The following MAST3 variants were observed in gnomAD, a reference collection of about 807,000 sequenced individuals.
MAST3 encodes the protein microtubule associated serine/threonine kinase 3, also known as microtubule-associated serine/threonine-protein kinase 3.
Under a neutral mutation model 127.0 loss-of-function variants are expected in MAST3, and 43 were observed. The observed-to-expected ratio is 0.34, with a 90% confidence interval of 0.27 to 0.44. MAST3 has a LOEUF of 0.44. MAST3 is among the 20% of genes least tolerant of loss of function. The pLI, the probability that MAST3 is intolerant of heterozygous loss-of-function variation, is 1.00. For synonymous variants in MAST3, 785 were observed against 809.2 expected, an observed-to-expected ratio of 0.97 and a Z score of 0.51; for missense variants, 1,390 against 1,919.1, an observed-to-expected ratio of 0.72 and a Z score of 5.15.
rs2038433918 is a variant in MAST3 at position 18,110,268 on chromosome 19, C to T, written c.72-384C>T. 2 of 985,480 alleles carry T rather than the reference C, an allele frequency of 2.0e-6. No homozygotes were observed. Among genetic ancestry groups the T allele is most frequent in the Middle Eastern group, 5.2e-4 (1 of 1,936 alleles). The allele number at this position is 985,480 out of a possible 1,614,324, so 61.0% of individuals were successfully genotyped here. ...GCGCCACGATCAGGGCTTCCGGGGGCCAACAAGGGGGCGTCGGTACCCCGC... is the reference window on the plus strand; with the variant it reads ...GCGCCACGATCAGGGCTTCCGGGGGTCAACAAGGGGGCGTCGGTACCCCGC... On this transcript the variant is annotated intron_variant, in intron 2 of 27. Transcript: ENST00000687212. The surrounding 1 kb of genome is among the most constrained non-coding windows in gnomAD (Gnocchi z 4.3).
chr19:18,111,826 C>G (rs2038684763), intron 3 of MAST3, among the ~76,000 whole-genome samples: 1 of 152,084 alleles, frequency 6.6e-6, no homozygotes, highest in Non-Finnish European at 1.5e-5. Flanking sequence ...ATCCACAGAC[C>G]TTTAACGGGG....
At chr19:18,148,187 G>C (rs1393290054) in intron 27 of MAST3, among the ~76,000 whole-genome samples, 1 of 152,112 alleles carries the variant, frequency 6.6e-6, no homozygotes, top group African/African-American at 2.4e-5. Flanking sequence ...TGTAGTCCCA[G>C]CTACTAGGGA....
intron 5 of MAST3, among the ~76,000 whole-genome samples, 194 bp from the exon 6 acceptor site, chr19:18,122,479 G>GA (rs1016673663): frequency 1.1e-4 from 17 of 150,930 alleles, no homozygotes; most frequent in Non-Finnish European, 2.5e-4. Flanking sequence ...CTCACGGGGG[G>GA]GCTTCCTGGA....
At chr19:18,100,128 C>CTCGTTTTTTTTTTTTTTTTTTTT (rs776661078) in intron 1 of MAST3, among the ~76,000 whole-genome samples, 1 of 121,720 alleles carries the variant, frequency 8.2e-6, no homozygotes, top group Non-Finnish European at 1.8e-5. Context: ...CTCTCTCTCT[C>CTCGTTTTTTTTTTTTTTTTTTTT]TTTTTTTTTT....
intron 6 of MAST3, 115 bp from the exon 7 acceptor site, chr19:18,123,102 G>T: frequency 8.9e-7 from 1 of 1,122,648 alleles, no homozygotes; most frequent in Non-Finnish European, 1.3e-6. Flanking sequence ...GCAGGAGAAA[G>T]GATGTTACCT....
chr19:18,132,337 G>T (rs922785735), intron 15 of MAST3, among the ~76,000 whole-genome samples: 1 of 152,222 alleles, frequency 6.6e-6, no homozygotes, highest in African/African-American at 2.4e-5. Context: ...GGGAGAGGAT[G>T]TGCACTTAGG....
intron 3 of MAST3, among the ~76,000 whole-genome samples, chr19:18,117,854 G>A (rs2147089164): frequency 6.6e-6 from 1 of 151,736 alleles, no homozygotes; most frequent in South Asian, 2.1e-4. Flanking sequence ...CCCTAGCAAC[G>A]CTCCGCCTCT....
At chr19:18,107,332 C>T (rs1016221094) in intron 1 of MAST3, among the ~76,000 whole-genome samples, 1 of 152,020 alleles carries the variant, frequency 6.6e-6, no homozygotes. Context: ...GGAGGGCCTC[C>T]AGGAAGAAAG....
intron 17 of MAST3, 110 bp downstream of exon 17, chr19:18,135,092 G>T: frequency 3.7e-6 from 5 of 1,337,954 alleles, no homozygotes; most frequent in Non-Finnish European, 5.1e-6. Context: ...GAGGGAGTTG[G>T]ATGCCAGGTG....
chr19:18,124,133 G>A lies in MAST3; in HGVS notation c.828G>A (p.Glu276=), dbSNP rs1370105970. The A allele has an allele frequency of 2.5e-6, 4 of 1,610,366 alleles. No homozygotes were observed. The highest frequency in any genetic ancestry group is 3.4e-6 in the Non-Finnish European group (4 of 1,178,620). ...RYFLEMQEKL[E]RLLQDAHERS... is the part of the protein sequence containing the mutation. ...TCCTAGAGATGCAGGAGAAGCTGGAGCGGCTTCTGCAGGATGTGCGTGGTT... is the reference window on the plus strand; with the variant it reads ...TCCTAGAGATGCAGGAGAAGCTGGAACGGCTTCTGCAGGATGTGCGTGGTT... The change falls in exon 9 of 28, where the codon GAG becomes GAA. Residue 276 remains glutamate (E), a synonymous_variant. Transcript: ENST00000687212.
At chr19:18,122,860 A>C (rs1375349265) in intron 6 of MAST3, 109 bp downstream of exon 6, 1 of 1,180,400 alleles carries the variant, frequency 8.5e-7, no homozygotes, top group Non-Finnish European at 1.2e-6. Flanking sequence ...GTCAGCAAAC[A>C]TACTAGTTAC....
intron 5 of MAST3, chr19:18,122,152 G>A (rs1338433502): frequency 5.1e-6 from 5 of 982,642 alleles, no homozygotes; most frequent in African/African-American, 1.7e-5. Context: ...CCCAGGGGGT[G>A]GGGGGTCATG....
At position 18,128,880 on chromosome 19, in the gene MAST3, C is replaced by T. The variant is rs377695566; in HGVS notation, c.1152C>T (p.Val384=). The T allele has an allele frequency of 7.7e-5, 124 of 1,613,450 alleles. No individual in the cohort carries two copies. Among genetic ancestry groups the T allele is most frequent in the Non-Finnish European group, 9.5e-5 (112 of 1,179,828 alleles). ...APESPESRAL[V]GQSRRKPCES... is the part of the protein sequence containing the mutation. Reference sequence around the variant, plus strand: ...CCATCCCCTAGAGCCGCGCCCTGGTCGGCCAGTCACGGAGGAAGCCATGCG... The same window carrying T: ...CCATCCCCTAGAGCCGCGCCCTGGTTGGCCAGTCACGGAGGAAGCCATGCG... The change falls in exon 13 of 28, where the codon GTC becomes GTT. Residue 384 remains valine (V), a synonymous_variant. Coordinates refer to ENST00000687212, the MANE Select transcript of MAST3 (RefSeq NM_001393504.1).
chr19:18,103,938 G>A (rs2037852665), intron 1 of MAST3, among the ~76,000 whole-genome samples: 1 of 151,980 alleles, frequency 6.6e-6, no homozygotes, highest in Non-Finnish European at 1.5e-5. Flanking sequence ...CTGGCTGGGT[G>A]CAGTGGCTCA....
chr19:18,123,034 G>A (rs2040184839), intron 6 of MAST3, among the ~76,000 whole-genome samples, 183 bp from the exon 7 acceptor site: 1 of 152,174 alleles, frequency 6.6e-6, no homozygotes, highest in Non-Finnish European at 1.5e-5. Flanking sequence ...CAGGCAGAGA[G>A]GACTTCCTGG....
intron 2 of MAST3, among the ~76,000 whole-genome samples, chr19:18,108,781 A>C (rs1048265925): frequency 4.6e-5 from 7 of 152,258 alleles, no homozygotes; most frequent in African/African-American, 1.7e-4. Flanking sequence ...TCCTTGAGCT[A>C]GTGGTCTGGA....
chr19:18,117,574 G>A (rs2039424195), intron 3 of MAST3, among the ~76,000 whole-genome samples: 1 of 152,162 alleles, frequency 6.6e-6, no homozygotes, highest in South Asian at 2.1e-4. Flanking sequence ...CAGAGGAGAG[G>A]ACGCAGTTTT....
chr19:18,143,646 G>A, intron 21 of MAST3, 117 bp from the exon 22 acceptor site: 2 of 1,322,572 alleles, frequency 1.5e-6, no homozygotes, highest in South Asian at 1.4e-5. Flanking sequence ...AACTCGTCCT[G>A]TCTATGCAAA....
At position 18,149,077 on chromosome 19, in the gene MAST3, T is replaced by TG; in HGVS notation, c.3509-111dup. On this transcript the variant is annotated intron_variant, in intron 27 of 27. Coordinates refer to ENST00000687212, the MANE Select transcript of MAST3 (RefSeq NM_001393504.1). This position sits in a 1 kb window ranked among gnomAD's most constrained non-coding sequence, Gnocchi z 5.9. ...CAAAAACAAAAACAACCAGGCATGA[T>TG]GGGTGGCCACATGGAAGGATGTGGG... The TG allele has an allele frequency of 8.7e-7, 1 of 1,154,440 alleles. No homozygotes were observed. Among genetic ancestry groups the TG allele is most frequent in the Non-Finnish European group, 1.2e-6 (1 of 861,132 alleles). 71.5% of individuals were successfully genotyped at this position (1,154,440 alleles called of 1,614,324 possible). A position where few individuals can be genotyped will look rare whatever the true frequency, so the allele number is the denominator to read the frequency against.
Sources: gnomAD v4.1 joint callset for allele counts (sites outside exome capture counted in the v4.1 genomes callset) on GRCh38, gnomAD v4.1.1 for gene constraint, Gnocchi (gnomAD v3.1) non-coding constraint, MANE v1.5 for transcripts, NCBI Gene and HGNC (gene_info 2026-07-23, HGNC 2026-07-21) for gene names.